Variants in PPARA observed in about 807,000 individuals in gnomAD.
PPARA encodes the protein peroxisome proliferator activated receptor alpha, also known as peroxisome proliferator-activated receptor alpha.
A neutral mutation model predicts 42.2 loss-of-function variants in PPARA; 22 were observed. The ratio of observed to expected loss-of-function variants is 0.52; its 90% CI spans 0.37 to 0.74. The LOEUF (loss-of-function observed/expected upper bound fraction) is 0.74. Among genes scored for constraint, PPARA ranks in the 30% least tolerant of loss-of-function variants. The pLI is 0.00. For synonymous variants in PPARA, 242 were observed against 239.3 expected (o/e 1.01, Z -0.10); for missense variants, 465 against 608.2 (o/e 0.76, Z 2.48).
chr22:46,175,536 A>T (rs1458716442), intron 2 of PPARA, among the ~76,000 whole-genome samples: 1 of 151,526 alleles, frequency 6.6e-6, no homozygotes, highest in African/African-American at 2.4e-5. Context: ...ACATGGTGAA[A>T]CCCCATCTCT....
Position 46,183,065 on chromosome 22 carries a change from G to GA in PPARA, c.-43+6236dup, listed in dbSNP as rs926991311. ...GGGCCCATAAAGCTGTCTTTTAAAT[G>GA]AAAAAAAGTTGTCTTGAAATAAGCA... On this transcript the variant is annotated intron_variant, in intron 3 of 8. Transcript: ENST00000407236. The surrounding 1 kb of genome is among the most constrained non-coding windows in gnomAD (Gnocchi z 5.5). Among the ~76,000 whole-genome samples the GA allele has an allele frequency of 6.6e-6, 1 of 152,086 alleles. No individual in the cohort carries two copies. Among genetic ancestry groups the GA allele is most frequent in the South Asian group, 2.1e-4 (1 of 4,828 alleles).
At position 46,200,028 on chromosome 22, in the gene PPARA, A is replaced by G. The variant is rs1932775001; in HGVS notation, c.208+1437A>G. 6.6e-6 allele frequency among the ~76,000 whole-genome samples: 1 copy of G among 152,142 alleles called. No homozygotes were observed. Among genetic ancestry groups the G allele is most frequent in the Non-Finnish European group, 1.5e-5 (1 of 68,022 alleles). The stretch of plus-strand genomic sequence containing the variant: ...ATGAGCCACTGCACCCGGCCCAATT[A>G]AAATCTTTAACACTAAACAATCTAG... On this transcript the variant is annotated intron_variant, in intron 4 of 8. Transcript: ENST00000407236. The surrounding 1 kb of genome is among the most constrained non-coding windows in gnomAD (Gnocchi z 4.8).
rs1935221216 is a variant in PPARA, at chr22:46,224,178, TC to T, written c.711+4167del. 6.6e-6 allele frequency among the ~76,000 whole-genome samples: 1 copy of T among 152,182 alleles called. No individual in the cohort carries two copies. Among genetic ancestry groups the T allele is most frequent in the Admixed American group, 6.5e-5 (1 of 15,282 alleles). Reference sequence around the variant, plus strand: ...CTGTTTGCTCCAAGCCAGGGTTGCGTCCCACCCCATGTCCTTGTCTGCGCAC... The same window carrying T: ...CTGTTTGCTCCAAGCCAGGGTTGCGTCCACCCCATGTCCTTGTCTGCGCAC... On this transcript the variant is annotated intron_variant, in intron 7 of 8. Coordinates refer to ENST00000407236, the MANE Select transcript of PPARA (RefSeq NM_005036.6). This position sits in a 1 kb window ranked among gnomAD's most constrained non-coding sequence, Gnocchi z 5.7.
In PPARA at chr22:46,187,304, C is replaced by T. The variant is rs1273351326; in HGVS notation, c.-43+10468C>T. Among the ~76,000 whole-genome samples the T allele has an allele frequency of 2.0e-5, 3 of 152,206 alleles. No individual in the cohort carries two copies. Among genetic ancestry groups the T allele is most frequent in the Non-Finnish European group, 2.9e-5 (2 of 68,034 alleles). ...GGCTCATGCCTGTAATCCCTTCTCTCCATGCTCAAAACCTGCCCTCCTTGT... is the reference window on the plus strand; with the variant it reads ...GGCTCATGCCTGTAATCCCTTCTCTTCATGCTCAAAACCTGCCCTCCTTGT... On this transcript the variant is annotated intron_variant, in intron 3 of 8. Transcript: ENST00000407236. The surrounding 1 kb of genome is among the most constrained non-coding windows in gnomAD (Gnocchi z 4.9).
At position 46,183,178 on chromosome 22, in the gene PPARA, A is replaced by G. The variant is rs1299237941; in HGVS notation, c.-43+6342A>G. On this transcript the variant is annotated intron_variant, in intron 3 of 8. Transcript: ENST00000407236. The surrounding 1 kb of genome is among the most constrained non-coding windows in gnomAD (Gnocchi z 5.5). ...TGGCGGTGCTTACAGAAATGACTCC[A>G]TCTGCTAAATGAGTAAATGGGTAAT... Among the ~76,000 whole-genome samples, 1 of 152,250 alleles carries G rather than the reference A, an allele frequency of 6.6e-6. No individual in the cohort carries two copies. Among genetic ancestry groups the G allele is most frequent in the Non-Finnish European group, 1.5e-5 (1 of 68,044 alleles).
At chr22:46,172,563 A>T (rs1368494551) in intron 2 of PPARA, among the ~76,000 whole-genome samples, 1 of 152,130 alleles carries the variant, frequency 6.6e-6, no homozygotes. Context: ...TGTTGCTGTG[A>T]GCTGAGATCG....
rs186536662 is a variant in PPARA, at chr22:46,211,832, C to T, written c.209-3341C>T. On this transcript the variant is annotated intron_variant, in intron 4 of 8. Transcript: ENST00000407236. This position sits in a 1 kb window ranked among gnomAD's most constrained non-coding sequence, Gnocchi z 4.1. ...TCCCGAGTAGCTGGGACTACAGGCA[C>T]GCACCACCACCCCTGGCTAACTTTT... is the stretch of plus-strand genomic sequence containing the variant. Among the ~76,000 whole-genome samples the T allele has an allele frequency of 7.2e-5, 11 of 152,066 alleles. No homozygotes were observed. The highest frequency in any genetic ancestry group is 1.2e-4 in the Non-Finnish European group (8 of 68,008).
intron 3 of PPARA, among the ~76,000 whole-genome samples, chr22:46,178,021 A>C (rs536585445): frequency 6.6e-6 from 1 of 152,178 alleles, no homozygotes; most frequent in African/African-American, 2.4e-5. Flanking sequence ...AATTTGGGGT[A>C]TAGATCTAAG....
At chr22:46,198,191 T>G (rs562449069) in intron 3 of PPARA, among the ~76,000 whole-genome samples, 151 bp from the exon 4 acceptor site, 19 of 141,364 alleles carry the variant, frequency 1.3e-4, no homozygotes, top group African/African-American at 5.3e-4. Flanking sequence ...TGAGCCGAGA[T>G]TGTGCCCCTG....
Position 46,160,328 on chromosome 22 carries a change from G to T in PPARA, c.-127+8358G>T, listed in dbSNP as rs905178297. Among the ~76,000 whole-genome samples the T allele has an allele frequency of 6.6e-6, 1 of 152,152 alleles. No homozygotes were observed. The highest frequency in any genetic ancestry group is 1.5e-5 in the Non-Finnish European group (1 of 68,022). Reference sequence around the variant, plus strand: ...TTGTTTGTTTTTGAGATGGAGTCTCGCTCTGTCACCCAGGCCGGAGTGCAG... The same window carrying T: ...TTGTTTGTTTTTGAGATGGAGTCTCTCTCTGTCACCCAGGCCGGAGTGCAG... On this transcript the variant is annotated intron_variant, in intron 2 of 8. Coordinates refer to ENST00000407236, the MANE Select transcript of PPARA (RefSeq NM_005036.6). The surrounding 1 kb of genome is among the most constrained non-coding windows in gnomAD (Gnocchi z 4.5).
At chr22:46,169,909 C>T (rs975408925) in intron 2 of PPARA, among the ~76,000 whole-genome samples, 7 of 151,924 alleles carry the variant, frequency 4.6e-5, no homozygotes, top group African/African-American at 7.2e-5. Context: ...ATCCTGACTA[C>T]GTTTACTTGA....
rs553055009 is a variant in PPARA, at chr22:46,195,757, C to T, written c.-42-2585C>T. Among the ~76,000 whole-genome samples the T allele has an allele frequency of 4.6e-5, 7 of 152,148 alleles. No individual in the cohort carries two copies. The highest frequency in any genetic ancestry group is 8.8e-5 in the Non-Finnish European group (6 of 68,036). On this transcript the variant is annotated intron_variant, in intron 3 of 8. Coordinates refer to ENST00000407236, the MANE Select transcript of PPARA (RefSeq NM_005036.6). The surrounding 1 kb of genome is among the most constrained non-coding windows in gnomAD (Gnocchi z 4.6). ...GGAGAGTCTGGCGTTCCGTAATCACCATGTGATGACGGCTGCCCTGACAGT... is the reference window on the plus strand; with the variant it reads ...GGAGAGTCTGGCGTTCCGTAATCACTATGTGATGACGGCTGCCCTGACAGT...
At chr22:46,170,637 C>T (rs1021249819) in intron 2 of PPARA, among the ~76,000 whole-genome samples, 1 of 151,566 alleles carries the variant, frequency 6.6e-6, no homozygotes, top group African/African-American at 2.4e-5. Flanking sequence ...GAACGTCTGC[C>T]TGGTGTAGGA....
chr22:46,222,182 GT>G lies in PPARA; in HGVS notation c.711+2169del, dbSNP rs982830079. ...GCAGCCAAATTGCCCCTCATGGTTC[GT>G]CCCCCACATCCCCGCCTGCCTGGCC... On this transcript the variant is annotated intron_variant, in intron 7 of 8. Transcript: ENST00000407236. This position sits in a 1 kb window ranked among gnomAD's most constrained non-coding sequence, Gnocchi z 5.9. Among the ~76,000 whole-genome samples the G allele has an allele frequency of 2.0e-5, 3 of 151,892 alleles. No individual in the cohort carries two copies. The highest frequency in any genetic ancestry group is 7.3e-5 in the African/African-American group (3 of 41,310).
intron 2 of PPARA, among the ~76,000 whole-genome samples, chr22:46,175,431 A>G (rs1048618529): frequency 1.3e-5 from 2 of 151,940 alleles, no homozygotes; most frequent in Admixed American, 1.3e-4. Flanking sequence ...AATGTCACAT[A>G]GGCCGGGCGC....
Position 46,192,249 on chromosome 22 carries a change from G to A in PPARA, c.-42-6093G>A, listed in dbSNP as rs1931663544. 6.6e-6 allele frequency among the ~76,000 whole-genome samples: 1 copy of A among 152,168 alleles called. No homozygotes were observed. The highest frequency in any genetic ancestry group is 2.4e-5 in the African/African-American group (1 of 41,426). The stretch of plus-strand genomic sequence containing the variant: ...ATAATCAGGGCTACACCAGAATTGG[G>A]CCCAAGATGCTGCAGGAATCTATAG... On this transcript the variant is annotated intron_variant, in intron 3 of 8. Transcript: ENST00000407236. The surrounding 1 kb of genome is among the most constrained non-coding windows in gnomAD (Gnocchi z 4.3).
rs1933944395 is a variant in PPARA, at chr22:46,211,673, C to T, written c.209-3500C>T. 6.6e-6 allele frequency among the ~76,000 whole-genome samples: 1 copy of T among 152,156 alleles called. No individual in the cohort carries two copies. The highest frequency in any genetic ancestry group is 2.4e-5 in the African/African-American group (1 of 41,452). On this transcript the variant is annotated intron_variant, in intron 4 of 8. Transcript: ENST00000407236. This position sits in a 1 kb window ranked among gnomAD's most constrained non-coding sequence, Gnocchi z 4.1. ...GCGTAGTGTCATGTATCCACCACTA[C>T]ATTTTCCTTCTCTCTCTTTCTTGCT...
chr22:46,162,640 G>T lies in PPARA; in HGVS notation c.-127+10670G>T, dbSNP rs1926371949. On this transcript the variant is annotated intron_variant, in intron 2 of 8. Coordinates refer to ENST00000407236, the MANE Select transcript of PPARA (RefSeq NM_005036.6). This position sits in a 1 kb window ranked among gnomAD's most constrained non-coding sequence, Gnocchi z 6.0. ...AGACCCCGTGAGGCCAGAGTCCTTG[G>T]CTCATCACTCATGGTTGAACCCGGA... Among the ~76,000 whole-genome samples the T allele has an allele frequency of 6.6e-6, 1 of 152,146 alleles. No homozygotes were observed. Among genetic ancestry groups the T allele is most frequent in the East Asian group, 1.9e-4 (1 of 5,190 alleles).
chr22:46,157,434 G>A lies in PPARA; in HGVS notation c.-127+5464G>A, dbSNP rs548370799. On this transcript the variant is annotated intron_variant, in intron 2 of 8. Coordinates refer to ENST00000407236, the MANE Select transcript of PPARA (RefSeq NM_005036.6). ...AGCTTCCCCCACACCTAGACTGAGA[G>A]AGAGCTCTTCTTCCTTCTGTAGGGA... Among the ~76,000 whole-genome samples, 6 of 152,256 alleles carry A rather than the reference G, an allele frequency of 3.9e-5. No homozygotes were observed. In the South Asian group the frequency reaches 1.2e-3, roughly 32 times the overall value.
Sources: allele counts gnomAD v4.1 joint callset (sites outside exome capture counted in the v4.1 genomes callset), GRCh38; gene constraint gnomAD v4.1.1; non-coding constraint Gnocchi (gnomAD v3.1); transcripts MANE v1.5; gene names NCBI Gene and HGNC (gene_info 2026-07-23, HGNC 2026-07-21).